Variants in MYO15A observed in about 807,000 individuals in gnomAD.
MYO15A encodes unconventional myosin-XV.
MYO15A carries 308 observed loss-of-function variants against 394.6 expected under a neutral mutation model. The observed-to-expected ratio is 0.78, with a 90% confidence interval of 0.71 to 0.86. MYO15A has a LOEUF of 0.86. Ranked by LOEUF, MYO15A falls within the 40% of genes least tolerant of loss-of-function variation. The probability of loss-of-function intolerance (pLI) is 0.00; values close to 1 mark genes in which losing one functional copy is unlikely to be tolerated. For missense variants in MYO15A, 4,606 were observed against 4,799.1 expected, an observed-to-expected ratio of 0.96 and a Z score of 1.19; for synonymous variants, 1,957 against 2,003.8, an observed-to-expected ratio of 0.98 and a Z score of 0.62.
chr17:18,173,052 G>C (rs2046964942), intron 64 of MYO15A, among the ~76,000 whole-genome samples: 1 of 152,210 alleles, frequency 6.6e-6, no homozygotes, highest in Non-Finnish European at 1.5e-5. Context: ...GACAGGGAAG[G>C]GATGGAGCCA....
intron 12 of MYO15A, 52 bp downstream of exon 12, chr17:18,133,438 G>T: frequency 6.2e-7 from 1 of 1,601,588 alleles, no homozygotes. Context: ...GGACTTGGCC[G>T]TCTTTTCCAA....
In MYO15A at chr17:18,146,945, T is replaced by C. The variant is rs186838402; in HGVS notation, c.6509+838T>C. 4.9e-4 allele frequency among the ~76,000 whole-genome samples: 75 copies of C among 152,248 alleles called. 1 individual carries two copies. The highest frequency in any genetic ancestry group is 1.6e-3 in the African/African-American group (68 of 41,540). ...TGTCTGATGTTAAAAAAAAATGGCATAATGATAATACCTACTTCATAGGCT... is the reference window on the plus strand; with the variant it reads ...TGTCTGATGTTAAAAAAAAATGGCACAATGATAATACCTACTTCATAGGCT... On this transcript the variant is annotated intron_variant, in intron 30 of 65. Transcript: ENST00000647165.
At position 18,120,846 on chromosome 17, in the gene MYO15A, G is replaced by T; in HGVS notation, c.2046G>T (p.Pro682=). The T allele has an allele frequency of 1.7e-6, 2 of 1,190,186 alleles. No homozygotes were observed. Among genetic ancestry groups the T allele is most frequent in the Non-Finnish European group, 2.1e-6 (2 of 959,516 alleles). The allele number at this position is 1,190,186 out of a possible 1,614,324, so 73.7% of individuals were successfully genotyped here. A position where few individuals can be genotyped will look rare whatever the true frequency, so the allele number is the denominator to read the frequency against. The change falls in exon 2 of 66, where the codon CCG becomes CCT. Residue 682 remains proline (P), a synonymous_variant. Transcript: ENST00000647165. Reference sequence around the variant, plus strand: ...CCCCGCCCGCGCCGCCGCTCTCCCCGGCGCTCTCGGGCCTGCCCCGGCCGG... The same window carrying T: ...CCCCGCCCGCGCCGCCGCTCTCCCCTGCGCTCTCGGGCCTGCCCCGGCCGG... The part of the protein sequence containing the change: ...SGPPPAPPLS[P]ALSGLPRPAS...
At chr17:18,156,142 G>A in intron 47 of MYO15A, 53 bp from the exon 48 acceptor site, 1 of 1,612,926 alleles carries the variant, frequency 6.2e-7, no homozygotes, top group East Asian at 2.2e-5. Flanking sequence ...CACAATAGGT[G>A]GAAGGAGGGC....
chr17:18,147,783 T>C lies in MYO15A; in HGVS notation c.6510-246T>C, dbSNP rs1433854253. Among the ~76,000 whole-genome samples the C allele has an allele frequency of 6.6e-6, 1 of 152,066 alleles. No homozygotes were observed. ...GACCCTTTCAGTTTAGCCGTGGGAC[T>C]CTAAACTACCCTGAGATCTTTTGTA... On this transcript the variant is annotated intron_variant, in intron 30 of 65. Transcript: ENST00000647165. This position sits in a 1 kb window ranked among gnomAD's most constrained non-coding sequence, Gnocchi z 4.4.
chr17:18,125,302 C>T (rs543130697), intron 4 of MYO15A, 71 bp downstream of exon 4: 50 of 1,457,346 alleles, frequency 3.4e-5, no homozygotes, highest in South Asian at 1.1e-4. Flanking sequence ...CCGGGTGGGA[C>T]GCACAGATTT....
Position 18,139,561 on chromosome 17 carries a change from G to T in MYO15A, c.5161G>T (p.Asp1721Tyr), listed in dbSNP as rs748504427. Reference sequence around the variant, plus strand: ...GCACAAGTTCCTGGACAAGAACCACGACCAAGTGCGCCAGGATGTGCTGGA... The same window carrying T: ...GCACAAGTTCCTGGACAAGAACCACTACCAAGTGCGCCAGGATGTGCTGGA... ...QVHKFLDKNH[D>Y]QVRQDVLDLF... The change falls in exon 19 of 66, where the codon GAC becomes TAC. Residue 1721 changes from aspartate to tyrosine, a missense_variant. Physicochemically the swap from Asp to Tyr is radical, Grantham distance 160. Transcript: ENST00000647165. 1 of 1,614,056 alleles carries T rather than the reference G, an allele frequency of 6.2e-7. No homozygotes were observed.
At chr17:18,141,910 T>C (rs2046389411) in intron 23 of MYO15A, 140 bp downstream of exon 23, 1 of 1,192,016 alleles carries the variant, frequency 8.4e-7, no homozygotes, top group East Asian at 2.3e-5. Flanking sequence ...GCTAACTACC[T>C]GATTCACCAG....
intron 51 of MYO15A, 34 bp from the exon 52 acceptor site, chr17:18,158,489 G>A (rs2046722588): frequency 6.3e-7 from 1 of 1,591,118 alleles, no homozygotes; most frequent in Non-Finnish European, 8.6e-7. Flanking sequence ...TGGTGTGGCC[G>A]GACTGGGCCT....
At chr17:18,158,076 G>A (rs911721541) in intron 51 of MYO15A, among the ~76,000 whole-genome samples, 176 bp downstream of exon 51, 5 of 152,168 alleles carry the variant, frequency 3.3e-5, no homozygotes, top group African/African-American at 1.2e-4. Context: ...GGTGAGACCC[G>A]GGAGATGGGA....
Position 18,118,583 on chromosome 17 carries a change from G to C in MYO15A, c.-218G>C. The C allele has an allele frequency of 1.5e-6, 1 of 645,750 alleles. No homozygotes were observed. The highest frequency in any genetic ancestry group is 2.8e-5 in the East Asian group (1 of 35,892). The allele number at this position is 645,750 out of a possible 1,614,324, so 40.0% of individuals were successfully genotyped here. The stretch of plus-strand genomic sequence containing the variant: ...ACACACTTTCTACTACTGCTCTAGG[G>C]TGAAACCCAAGGCGCTCTAGAGGAG... On this transcript the variant is annotated splice_region_variant and 5_prime_UTR_variant, in exon 2 of 66. Transcript: ENST00000647165.
At chr17:18,152,883 C>T (rs551372444) in intron 42 of MYO15A, among the ~76,000 whole-genome samples, 14 of 152,326 alleles carry the variant, frequency 9.2e-5, no homozygotes, top group South Asian at 2.1e-4. Context: ...TCTGTCACCT[C>T]GGCAAGGTCT....
At chr17:18,149,649 G>A in intron 35 of MYO15A, 69 bp downstream of exon 35, 1 of 1,499,572 alleles carries the variant, frequency 6.7e-7, no homozygotes, top group Non-Finnish European at 9.3e-7. Flanking sequence ...TCACACACTT[G>A]TACAGGGTGA....
Position 18,150,307 on chromosome 17 carries a change from C to T in MYO15A, c.7213-122C>T, listed in dbSNP as rs892472160. The T allele has an allele frequency of 6.0e-6, 5 of 835,850 alleles. No individual in the cohort carries two copies. The African/African-American group carries it at 6.7e-5, about 11-fold the overall frequency. 51.8% of individuals were successfully genotyped at this position (835,850 alleles called of 1,614,324 possible). On this transcript the variant is annotated intron_variant, in intron 35 of 65. Coordinates refer to ENST00000647165, the MANE Select transcript of MYO15A (RefSeq NM_016239.4). The surrounding 1 kb of genome is among the most constrained non-coding windows in gnomAD (Gnocchi z 4.4). The stretch of plus-strand genomic sequence containing the variant: ...GGCTGAGCATACAGCAGACACTGAG[C>T]CAGTGGGAGGCTGCCCCCTCCCACG...
intron 48 of MYO15A, among the ~76,000 whole-genome samples, 179 bp downstream of exon 48, chr17:18,156,515 C>T (rs2046678318): frequency 6.6e-6 from 1 of 152,244 alleles, no homozygotes; most frequent in African/African-American, 2.4e-5. Context: ...TTCAGAAAAC[C>T]TTTGCCAGTG....
rs548822110 is a variant in MYO15A at position 18,156,965 on chromosome 17, C to T, written c.8613C>T (p.Tyr2871=). ...TCTGGCTGACCCAGGACTCTGACTA[C>T]GTGGTCGCTGTGAGGAACTTCCTGC... The part of the protein sequence containing the change: ...FILELKKDSD[Y]VVAVRNFLPE... The change falls in exon 49 of 66, where the codon TAC becomes TAT. Residue 2871 remains tyrosine (Y), a synonymous_variant. Coordinates refer to ENST00000647165, the MANE Select transcript of MYO15A (RefSeq NM_016239.4). The T allele has an allele frequency of 2.5e-6, 4 of 1,614,146 alleles. No homozygotes were observed. Among genetic ancestry groups the T allele is most frequent in the East Asian group, 2.2e-5 (1 of 44,884 alleles).
intron 42 of MYO15A, 80 bp downstream of exon 42, chr17:18,152,264 G>T: frequency 2.2e-6 from 3 of 1,368,362 alleles, no homozygotes; most frequent in Non-Finnish European, 3.0e-6. Flanking sequence ...TGTGTCGGTG[G>T]AGTGTGTGTG....
At chr17:18,163,863 G>A in intron 60 of MYO15A, 25 bp downstream of exon 60, 1 of 1,607,572 alleles carries the variant, frequency 6.2e-7, no homozygotes, top group Non-Finnish European at 8.5e-7. Context: ...GACTGAGCAT[G>A]CTGGGCCCAT....
chr17:18,111,744 C>T (rs917583697), intron 1 of MYO15A, among the ~76,000 whole-genome samples: 1 of 152,234 alleles, frequency 6.6e-6, no homozygotes, highest in African/African-American at 2.4e-5. Context: ...CAGCCTGTAG[C>T]AATGACGTTG....
Sources: allele counts gnomAD v4.1 joint callset (sites outside exome capture counted in the v4.1 genomes callset), GRCh38; gene constraint gnomAD v4.1.1; non-coding constraint Gnocchi (gnomAD v3.1); transcripts MANE v1.5; gene names NCBI Gene and HGNC (gene_info 2026-07-23, HGNC 2026-07-21).